Variants in MAP3K2 observed in about 807,000 individuals in gnomAD.
MAP3K2 encodes the protein mitogen-activated protein kinase kinase kinase 2.
Under a neutral mutation model 80.3 loss-of-function variants are expected in MAP3K2, and 24 were observed. The observed-to-expected ratio is 0.30, with a 90% CI of 0.22 to 0.42. The LOEUF (loss-of-function observed/expected upper bound fraction) is 0.42, where lower values mean the gene tolerates loss of function less well. Ranked by LOEUF, MAP3K2 falls within the 10% of genes least tolerant of loss-of-function variation. The pLI is 1.00. For missense variants in MAP3K2, 608 were observed against 750.1 expected, an observed-to-expected ratio of 0.81 and a Z score of 2.21; for synonymous variants, 244 against 253.7, an observed-to-expected ratio of 0.96 and a Z score of 0.36.
chr2:127,322,005 A>T lies in MAP3K2; in HGVS notation c.1045+41T>A. On this transcript the variant is annotated intron_variant, in intron 12 of 16. Transcript: ENST00000682094. This position sits in a 1 kb window ranked among gnomAD's most constrained non-coding sequence, Gnocchi z 4.2. The stretch of plus-strand genomic sequence containing the variant: ...TTTAATAATATAAAATTCTGCAAAG[A>T]TTCTGCTCTACATTTCACTATACCA... 1.3e-6 allele frequency: 2 copies of T among 1,533,830 alleles called. No homozygotes were observed. Among genetic ancestry groups the T allele is most frequent in the Non-Finnish European group, 1.8e-6 (2 of 1,118,886 alleles).
chr2:127,360,077 G>A (rs532820741), intron 1 of MAP3K2, among the ~76,000 whole-genome samples: 19 of 152,278 alleles, frequency 1.2e-4, no homozygotes, highest in Admixed American at 2.0e-4. Flanking sequence ...AATGTTCTTA[G>A]CAGATTTATT....
chr2:127,361,312 C>CAAAAA (rs1233881088), intron 1 of MAP3K2, among the ~76,000 whole-genome samples: 9 of 66,006 alleles, frequency 1.4e-4, no homozygotes, highest in Non-Finnish European at 2.9e-4. Context: ...CACTCTGTCT[C>CAAAAA]AAAAAAAAAA....
chr2:127,336,982 A>G (rs1166705109), intron 4 of MAP3K2, among the ~76,000 whole-genome samples: 1 of 152,142 alleles, frequency 6.6e-6, no homozygotes, highest in Non-Finnish European at 1.5e-5. Context: ...CTCGACTAAA[A>G]AATACGAAAA....
intron 1 of MAP3K2, among the ~76,000 whole-genome samples, chr2:127,367,774 C>G (rs1048704051): frequency 1.3e-5 from 2 of 152,104 alleles, no homozygotes; most frequent in African/African-American, 4.8e-5. Context: ...GCCTGGGTGA[C>G]AGAGTGAGAC....
At chr2:127,355,879 CCAGT>C (rs1438590929) in intron 1 of MAP3K2, among the ~76,000 whole-genome samples, 1 of 152,138 alleles carries the variant, frequency 6.6e-6, no homozygotes, top group Non-Finnish European at 1.5e-5. Flanking sequence ...TGCTGCTTTA[CCAGT>C]AAGTTTATGT....
intron 1 of MAP3K2, among the ~76,000 whole-genome samples, chr2:127,367,125 T>C (rs1686987181): frequency 6.6e-6 from 1 of 152,148 alleles, no homozygotes; most frequent in African/African-American, 2.4e-5. Flanking sequence ...AGATTATATA[T>C]GAAGAGACAT....
At chr2:127,326,553 T>C (rs985105338) in intron 8 of MAP3K2, 134 bp downstream of exon 8, 5 of 540,108 alleles carry the variant, frequency 9.3e-6, no homozygotes, top group Non-Finnish European at 1.1e-5. Flanking sequence ...CTATATTTTT[T>C]CTATTTTGTT....
At chr2:127,320,142 CA>C (rs934554069) in intron 12 of MAP3K2, among the ~76,000 whole-genome samples, 4 of 151,648 alleles carry the variant, frequency 2.6e-5, no homozygotes, top group African/African-American at 4.8e-5. Context: ...GCAACCCTTC[CA>C]AAAAAAATCA....
intron 1 of MAP3K2, among the ~76,000 whole-genome samples, chr2:127,376,831 T>G (rs886067207): frequency 6.6e-6 from 1 of 152,144 alleles, no homozygotes; most frequent in Non-Finnish European, 1.5e-5. Context: ...TTTGGGAGTC[T>G]GAGACAGGAG....
intron 1 of MAP3K2, among the ~76,000 whole-genome samples, chr2:127,377,675 G>T (rs1205925543): frequency 6.6e-6 from 1 of 152,136 alleles, no homozygotes; most frequent in Non-Finnish European, 1.5e-5. Context: ...TGAATTTTCT[G>T]GCACACAGTA....
At chr2:127,336,028 C>A in intron 4 of MAP3K2, 59 bp from the exon 5 acceptor site, 2 of 949,518 alleles carry the variant, frequency 2.1e-6, no homozygotes, top group Non-Finnish European at 3.3e-6. Context: ...AATAAACTTG[C>A]AAAAGTTACC....
In MAP3K2 at chr2:127,310,782, C is replaced by A. The variant is rs1685794800; in HGVS notation, c.1457-2020G>T. On this transcript the variant is annotated intron_variant, in intron 15 of 16. Transcript: ENST00000682094. The surrounding 1 kb of genome is among the most constrained non-coding windows in gnomAD (Gnocchi z 4.8). ...AATCTAGTTTCCGTCTTTTATAAAT[C>A]ATTTCTCTTCTCATTTTTTTCCACA... is the stretch of plus-strand genomic sequence containing the variant. Among the ~76,000 whole-genome samples the A allele has an allele frequency of 6.6e-6, 1 of 151,934 alleles. No homozygotes were observed. Among genetic ancestry groups the A allele is most frequent in the Non-Finnish European group, 1.5e-5 (1 of 67,988 alleles).
At chr2:127,335,360 C>G (rs983663718) in intron 5 of MAP3K2, among the ~76,000 whole-genome samples, 1 of 152,158 alleles carries the variant, frequency 6.6e-6, no homozygotes. Context: ...GAATCCAATC[C>G]TAAGTTTACA....
chr2:127,352,695 C>A (rs1025360157), intron 1 of MAP3K2, among the ~76,000 whole-genome samples: 1 of 151,936 alleles, frequency 6.6e-6, no homozygotes, highest in African/African-American at 2.4e-5. Context: ...CCTCTCCCTC[C>A]TCCTCCCCCT....
intron 1 of MAP3K2, among the ~76,000 whole-genome samples, chr2:127,349,653 A>G (rs1334797685): frequency 6.6e-6 from 1 of 152,172 alleles, no homozygotes; most frequent in Admixed American, 6.5e-5. Context: ...ATAAAGTTGG[A>G]CAAAGCTAAG....
At chr2:127,343,255 GAA>G (rs962483218) in intron 1 of MAP3K2, 61 bp from the exon 2 acceptor site, 6 of 594,056 alleles carry the variant, frequency 1.0e-5, no homozygotes, top group South Asian at 8.2e-5. Flanking sequence ...GCCAGGAAAA[GAA>G]AAAAAAAAGT....
rs544403948 is a variant in MAP3K2 at position 127,345,018 on chromosome 2, T to A, written c.-65-1824A>T. On this transcript the variant is annotated intron_variant, in intron 1 of 16. Coordinates refer to ENST00000682094, the MANE Select transcript of MAP3K2 (RefSeq NM_001371910.2). ...TAGATGGGACTACAGGTGCATGCTA[T>A]CACACCCAGCTGATTTTTAAAAAAA... Among the ~76,000 whole-genome samples, 27 of 152,230 alleles carry A rather than the reference T, an allele frequency of 1.8e-4. 1 individual carries two copies. The South Asian group carries it at 5.6e-3, about 32-fold the overall frequency.
chr2:127,331,741 G>C lies in MAP3K2; in HGVS notation c.265-1236C>G, dbSNP rs561662248. Among the ~76,000 whole-genome samples, 6 of 152,332 alleles carry C rather than the reference G, an allele frequency of 3.9e-5. No individual in the cohort carries two copies. In the East Asian group the frequency reaches 1.2e-3, roughly 29 times the overall value. ...CTGCCTCAGCCTCCCCAGTAGCTGG[G>C]TTTACAGGCATGCACCACCACGCGT... On this transcript the variant is annotated intron_variant, in intron 5 of 16. Coordinates refer to ENST00000682094, the MANE Select transcript of MAP3K2 (RefSeq NM_001371910.2).
chr2:127,352,834 G>A (rs1045327523), intron 1 of MAP3K2, among the ~76,000 whole-genome samples: 14 of 152,204 alleles, frequency 9.2e-5, no homozygotes, highest in African/African-American at 1.7e-4. Flanking sequence ...GAGTGCCTGC[G>A]ATTGCAGGTG....
Sources: allele counts gnomAD v4.1 joint callset (sites outside exome capture counted in the v4.1 genomes callset), GRCh38; gene constraint gnomAD v4.1.1; non-coding constraint Gnocchi (gnomAD v3.1); transcripts MANE v1.5; gene names NCBI Gene and HGNC (gene_info 2026-07-23, HGNC 2026-07-21).